The following THBS4 variants were observed in gnomAD, a reference collection of about 807,000 sequenced individuals.
The protein encoded by THBS4 is thrombospondin-4.
THBS4 carries 90 observed loss-of-function variants against 115.7 expected under a neutral mutation model. The ratio of observed to expected loss-of-function variants is 0.78; its 90% CI spans 0.66 to 0.93. The LOEUF is 0.93. Among genes scored for constraint, THBS4 ranks in the 40% least tolerant of loss-of-function variants. The pLI is 0.00. For synonymous variants in THBS4, 460 were observed against 479.3 expected (o/e 0.96, Z 0.53); for missense variants, 1,087 against 1,232.7 (o/e 0.88, Z 1.77).
rs188382306 is a variant in THBS4, at chr5:80,037,282, G to T, written c.88+1657G>T. The stretch of plus-strand genomic sequence containing the variant: ...TCTGGGTAATTTAGTTGCTGTAGAT[G>T]ATCTGATTAAGTTAAGTTTCTGATA... On this transcript the variant is annotated intron_variant, in intron 1 of 21. Transcript: ENST00000350881. Among the ~76,000 whole-genome samples the T allele has an allele frequency of 2.0e-5, 3 of 152,190 alleles. No homozygotes were observed. In the East Asian group the frequency reaches 5.8e-4, roughly 29 times the overall value.
intron 2 of THBS4, among the ~76,000 whole-genome samples, chr5:80,004,499 C>T (rs988779358): frequency 2.0e-5 from 3 of 152,176 alleles, no homozygotes; most frequent in African/African-American, 7.2e-5. Flanking sequence ...GCTATAGTCT[C>T]CTGCCACTGT....
intron 13 of THBS4, among the ~76,000 whole-genome samples, chr5:80,071,565 GTCACAGACTATGCA>G (rs1416938348): frequency 1.3e-5 from 2 of 152,018 alleles, no homozygotes; most frequent in East Asian, 3.9e-4. Context: ...ATTGAGCAGG[GTCACAGACTATGCA>G]TCACAGGCTA....
At chr5:80,020,615 A>T (rs1832351961) in intron 2 of THBS4, among the ~76,000 whole-genome samples, 2 of 152,208 alleles carry the variant, frequency 1.3e-5, no homozygotes, top group Admixed American at 1.3e-4. Context: ...GCTGACCCTG[A>T]AAACAGCAGT....
Position 80,061,760 on chromosome 5 carries a change from C to A in THBS4, c.1053C>A (p.Asp351Glu), listed in dbSNP as rs758092856. The stretch of plus-strand genomic sequence containing the variant: ...ATTTGTCTCCTGGCTTCAGATGTGA[C>A]GCCTGCCCAGTGGGCTTCACAGGGC... ...CINLSPGFRC[D>E]ACPVGFTGPM... is the part of the protein sequence containing the mutation. Residue 351 changes from aspartate to glutamate, a missense_variant, in exon 8 of 22, where the codon GAC becomes GAA. By Grantham distance (45) the Asp-to-Glu change is conservative. This residue lies in a region of THBS4 where 979 missense variants were observed against 1,103.7 expected (regional missense o/e 0.89). Coordinates refer to ENST00000350881, the MANE Select transcript of THBS4 (RefSeq NM_003248.6). 4 of 1,613,950 alleles carry A rather than the reference C, an allele frequency of 2.5e-6. No individual in the cohort carries two copies. Among genetic ancestry groups the A allele is most frequent in the African/African-American group, 1.3e-5 (1 of 74,890 alleles).
rs1316282170 is a variant in THBS4 at position 80,079,891 on chromosome 5, G to A, written c.2512-14G>A. ...TGTGTCCTGTCCTAAAACCTTGCTTGTGTCATCATGCAGGCTGTGAAGTCT... is the reference window on the plus strand; with the variant it reads ...TGTGTCCTGTCCTAAAACCTTGCTTATGTCATCATGCAGGCTGTGAAGTCT... On this transcript the variant is annotated splice_polypyrimidine_tract_variant and intron_variant, in intron 19 of 21. Transcript: ENST00000350881. 6 of 1,613,370 alleles carry A rather than the reference G, an allele frequency of 3.7e-6. No homozygotes were observed. In the South Asian group the frequency reaches 4.4e-5, roughly 12 times the overall value.
At chr5:80,009,382 G>A (rs1328385280) in intron 2 of THBS4, among the ~76,000 whole-genome samples, 1 of 152,178 alleles carries the variant, frequency 6.6e-6, no homozygotes, top group Non-Finnish European at 1.5e-5. Context: ...TTGCTAAAGT[G>A]TTGTTCCTTC....
intron 2 of THBS4, among the ~76,000 whole-genome samples, chr5:80,006,259 C>T (rs1832017016): frequency 6.6e-6 from 1 of 152,124 alleles, no homozygotes; most frequent in African/African-American, 2.4e-5. Flanking sequence ...AATTGTACTC[C>T]CATAATTCCC....
At chr5:80,071,938 C>G (rs1220833607) in intron 13 of THBS4, 5 of 250,700 alleles carry the variant, frequency 2.0e-5, no homozygotes, top group Admixed American at 1.8e-4. Context: ...ACAACACTGC[C>G]TAGAGCCCTA....
At chr5:79,991,349 G>C in exon 1 of THBS4, 1 of 969,224 alleles carries the variant, frequency 1.0e-6, no homozygotes, top group Non-Finnish European at 1.5e-6. Flanking sequence ...GGGCTCTTGA[G>C]AGATGAGAGA....
intron 7 of THBS4, among the ~76,000 whole-genome samples, chr5:80,060,580 C>T (rs923979516): frequency 1.3e-5 from 2 of 152,084 alleles, no homozygotes; most frequent in Admixed American, 1.3e-4. Context: ...GGCAACAAGA[C>T]AAAACCCTAT....
At chr5:80,053,683 G>A (rs190388646) in intron 2 of THBS4, among the ~76,000 whole-genome samples, 62 of 152,260 alleles carry the variant, frequency 4.1e-4, no homozygotes, top group Admixed American at 8.5e-4. Flanking sequence ...ATTAGCCTCC[G>A]ACCTTGTTCC....
intron 3 of THBS4, among the ~76,000 whole-genome samples, chr5:80,056,958 TA>T (rs1241817063): frequency 6.6e-6 from 1 of 152,212 alleles, no homozygotes; most frequent in Non-Finnish European, 1.5e-5. Context: ...GATAGTAATA[TA>T]AAAACTATGA....
chr5:80,078,258 C>T, intron 17 of THBS4, 31 bp downstream of exon 17: 1 of 1,529,014 alleles, frequency 6.5e-7, no homozygotes, highest in Non-Finnish European at 8.9e-7. Context: ...AATGGCTCAG[C>T]CTTGCCTCTC....
At chr5:80,030,275 C>T (rs1292028212) in intron 2 of THBS4, among the ~76,000 whole-genome samples, 1 of 152,078 alleles carries the variant, frequency 6.6e-6, no homozygotes, top group African/African-American at 2.4e-5. Flanking sequence ...ATGGCTTTCA[C>T]TGCAGTCTCA....
At chr5:80,036,291 C>T (rs1832716279) in intron 1 of THBS4, 1 of 722,696 alleles carries the variant, frequency 1.4e-6, no homozygotes, top group Admixed American at 6.3e-5. Flanking sequence ...AACAGAAAAG[C>T]AAATACCATG....
In THBS4 at chr5:80,067,026, G is replaced by A. The variant is rs541695178; in HGVS notation, c.1195-947G>A. The A allele has an allele frequency of 2.5e-4, 38 of 152,280 alleles. No homozygotes were observed. The East Asian group carries it at 5.2e-3, about 21-fold the overall frequency. The allele number at this position is 152,280 out of a possible 1,614,324, so 9.4% of individuals were successfully genotyped here. ...ATTAAACAATATATATACTTCAAAT[G>A]GATGTCTTTTACGACCTGTAAATGT... On this transcript the variant is annotated intron_variant, in intron 9 of 21. Transcript: ENST00000350881.
rs527678252 is a variant in THBS4 at position 80,073,684 on chromosome 5, C to T, written c.1892+357C>T. On this transcript the variant is annotated intron_variant, in intron 15 of 21. Transcript: ENST00000350881. ...CAGGCGTGAGCCACTGTGCCCAGCC[C>T]GGAGAGGGTTTTAAATTTCAGAACT... Among the ~76,000 whole-genome samples the T allele has an allele frequency of 8.5e-5, 13 of 152,202 alleles. No individual in the cohort carries two copies. In the East Asian group the frequency reaches 1.9e-3, roughly 23 times the overall value.
chr5:80,028,754 C>T (rs938262389), intron 2 of THBS4, among the ~76,000 whole-genome samples: 1 of 152,122 alleles, frequency 6.6e-6, no homozygotes, highest in Non-Finnish European at 1.5e-5. Context: ...CTACCATGCC[C>T]GGCCCACAAA....
At chr5:80,003,056 T>C (rs775681065) in intron 2 of THBS4, among the ~76,000 whole-genome samples, 1 of 152,178 alleles carries the variant, frequency 6.6e-6, no homozygotes, top group Non-Finnish European at 1.5e-5. Flanking sequence ...CATATTATGA[T>C]CTGTTACAGG....
Sources: gnomAD v4.1 joint callset for allele counts (sites outside exome capture counted in the v4.1 genomes callset) on GRCh38, gnomAD v4.1.1 for gene constraint, gnomAD v4.1.1 regional missense constraint, MANE v1.5 for transcripts, NCBI Gene and HGNC (gene_info 2026-07-23, HGNC 2026-07-21) for gene names.